The following EFNA5 variants were observed in gnomAD, a reference collection of about 807,000 sequenced individuals.
EFNA5 encodes ephrin-A5.
EFNA5 carries 5 observed loss-of-function variants against 22.9 expected under a neutral mutation model. The observed-to-expected ratio is 0.22, with a 90% confidence interval of 0.11 to 0.46. The LOEUF (loss-of-function observed/expected upper bound fraction) is 0.46. EFNA5 is among the 20% of genes least tolerant of loss of function. EFNA5 has a pLI of 0.99. For missense variants in EFNA5, 237 were observed against 293.3 expected, an observed-to-expected ratio of 0.81 and a Z score of 1.40; for synonymous variants, 113 against 112.2, an observed-to-expected ratio of 1.01 and a Z score of -0.04.
At chr5:107,665,742 T>C (rs1043549718) in intron 1 of EFNA5, among the ~76,000 whole-genome samples, 6 of 152,178 alleles carry the variant, frequency 3.9e-5, no homozygotes, top group Admixed American at 2.0e-4. Context: ...CATATCTTAG[T>C]AGCTAACTCT....
intron 1 of EFNA5, among the ~76,000 whole-genome samples, chr5:107,505,216 A>C (rs1302998351): frequency 6.6e-6 from 1 of 152,240 alleles, no homozygotes; most frequent in Non-Finnish European, 1.5e-5. Context: ...CATAACTCTG[A>C]GAAAAAATGC....
chr5:107,669,094 A>G (rs978395913), intron 1 of EFNA5, among the ~76,000 whole-genome samples: 12 of 151,784 alleles, frequency 7.9e-5, no homozygotes, highest in African/African-American at 2.9e-4. Context: ...GCTTGTGGGG[A>G]AATCTTCCCA....
At chr5:107,482,261 G>A (rs1006158338) in intron 1 of EFNA5, among the ~76,000 whole-genome samples, 5 of 150,560 alleles carry the variant, frequency 3.3e-5, no homozygotes, top group South Asian at 2.1e-4. Context: ...AGCCGAGGTC[G>A]TGCCACTGTA....
intron 2 of EFNA5, among the ~76,000 whole-genome samples, chr5:107,411,333 A>G (rs1324276339): frequency 6.6e-6 from 1 of 152,172 alleles, no homozygotes; most frequent in East Asian, 1.9e-4. Flanking sequence ...AAACAAACCA[A>G]CAAAAAAAAT....
intron 2 of EFNA5, among the ~76,000 whole-genome samples, chr5:107,397,756 T>G (rs1747968398): frequency 6.6e-6 from 1 of 152,188 alleles, no homozygotes. Flanking sequence ...ACGTTCTCTC[T>G]GTAGAAGATG....
At chr5:107,534,876 G>A (rs915132798) in intron 1 of EFNA5, among the ~76,000 whole-genome samples, 5 of 152,114 alleles carry the variant, frequency 3.3e-5, no homozygotes, top group African/African-American at 1.2e-4. Flanking sequence ...TCTTCAAAGG[G>A]AGCCTGATTC....
chr5:107,634,453 T>C (rs1750330814), intron 1 of EFNA5, among the ~76,000 whole-genome samples: 1 of 147,906 alleles, frequency 6.8e-6, no homozygotes, highest in Non-Finnish European at 1.5e-5. Flanking sequence ...GTGTTTGAGG[T>C]TGCAGTTAGC....
chr5:107,628,499 G>A (rs968238878), intron 1 of EFNA5, among the ~76,000 whole-genome samples: 3 of 152,076 alleles, frequency 2.0e-5, no homozygotes, highest in Non-Finnish European at 4.4e-5. Context: ...TTGTCACTAA[G>A]TATATAGAAC....
At chr5:107,483,052 A>G (rs556746718) in intron 1 of EFNA5, among the ~76,000 whole-genome samples, 140 of 152,236 alleles carry the variant, frequency 9.2e-4, no homozygotes, top group Admixed American at 2.4e-3. Context: ...TAATTAGTTT[A>G]CAGTGTTTAA....
intron 1 of EFNA5, among the ~76,000 whole-genome samples, chr5:107,603,872 T>C (rs995380807): frequency 1.3e-5 from 2 of 152,234 alleles, no homozygotes; most frequent in Non-Finnish European, 1.5e-5. Flanking sequence ...GCAATGTGGT[T>C]CCTGCTCATA....
intron 1 of EFNA5, among the ~76,000 whole-genome samples, chr5:107,557,441 C>T (rs352605): frequency 0.38 from 57,777 of 151,990 alleles, 12,805 homozygotes; most frequent in African/African-American, 0.62. Context: ...GCCTCAGGAA[C>T]CACGCAGCCC....
At chr5:107,438,390 T>C (rs1424394930) in intron 1 of EFNA5, among the ~76,000 whole-genome samples, 4 of 152,184 alleles carry the variant, frequency 2.6e-5, no homozygotes, top group African/African-American at 7.2e-5. Flanking sequence ...GCCTATCACA[T>C]TGGCAGAAAC....
chr5:107,628,858 A>G (rs1025880524), intron 1 of EFNA5, among the ~76,000 whole-genome samples: 1 of 152,194 alleles, frequency 6.6e-6, no homozygotes, highest in African/African-American at 2.4e-5. Context: ...TCATTATTAC[A>G]ATACTAAAAA....
chr5:107,595,345 CA>C (rs1361269263), intron 1 of EFNA5, among the ~76,000 whole-genome samples: 1 of 152,074 alleles, frequency 6.6e-6, no homozygotes, highest in Admixed American at 6.6e-5. Context: ...ACTTACTATA[CA>C]ACAAGGGGCT....
chr5:107,423,559 A>AT (rs1452002375), intron 2 of EFNA5, among the ~76,000 whole-genome samples: 3 of 152,120 alleles, frequency 2.0e-5, no homozygotes, highest in Non-Finnish European at 4.4e-5. Flanking sequence ...GTATTTTTGA[A>AT]TTTTTTAAAA....
At chr5:107,508,075 T>G (rs182487532) in intron 1 of EFNA5, among the ~76,000 whole-genome samples, 2 of 152,202 alleles carry the variant, frequency 1.3e-5, no homozygotes, top group African/African-American at 2.4e-5. Context: ...ATGTGGGTAG[T>G]TACCCAAAAG....
At chr5:107,429,268 C>T (rs1748886499) in intron 1 of EFNA5, among the ~76,000 whole-genome samples, 1 of 152,166 alleles carries the variant, frequency 6.6e-6, no homozygotes, top group African/African-American at 2.4e-5. Context: ...CATGGCGAAA[C>T]CTTGTCTCTA....
rs1006074521 is a variant in EFNA5 at position 107,432,027 on chromosome 5, C to T, written c.126-4518G>A. Among the ~76,000 whole-genome samples the T allele has an allele frequency of 5.3e-5, 8 of 152,188 alleles. No homozygotes were observed. In the South Asian group the frequency reaches 6.2e-4, roughly 12 times the overall value. ...TCCAAAGCTTCACCAGCTGTAGTAA[C>T]GACCCTCTTAAGAGTTGGGTTACCT... On this transcript the variant is annotated intron_variant, in intron 1 of 4. Coordinates refer to ENST00000333274, the MANE Select transcript of EFNA5 (RefSeq NM_001962.3).
At chr5:107,455,811 G>A (rs1354217046) in intron 1 of EFNA5, among the ~76,000 whole-genome samples, 2 of 152,112 alleles carry the variant, frequency 1.3e-5, no homozygotes, top group African/African-American at 2.4e-5. Context: ...TACTCAGTGT[G>A]AATTATTCTT....
Sources: gnomAD v4.1 joint callset for allele counts (sites outside exome capture counted in the v4.1 genomes callset) on GRCh38, gnomAD v4.1.1 for gene constraint, MANE v1.5 for transcripts, NCBI Gene and HGNC (gene_info 2026-07-23, HGNC 2026-07-21) for gene names.